ACYP2: variants seen among roughly 807,000 people sequenced by gnomAD.
ACYP2 encodes the protein acylphosphatase 2.
A neutral mutation model predicts 11.2 loss-of-function variants in ACYP2; 12 were observed. That is an observed-to-expected ratio of 1.08 (90% CI 0.69 to 1.74). The LOEUF (loss-of-function observed/expected upper bound fraction) is 1.74. Ranked by LOEUF, ACYP2 falls within the 40% of genes most tolerant of loss-of-function variation. The probability of loss-of-function intolerance (pLI) is 0.00; values close to 1 mark genes in which losing one functional copy is unlikely to be tolerated. For missense variants in ACYP2, 134 were observed against 101.9 expected (o/e 1.31, Z -1.35); for synonymous variants, 43 against 32.2 (o/e 1.33, Z -1.13).
chr2:54,282,615 TC>T (rs1477390511), intron 6 of ACYP2, among the ~76,000 whole-genome samples: 1 of 152,216 alleles, frequency 6.6e-6, no homozygotes, highest in East Asian at 1.9e-4. Flanking sequence ...TATTGCTTGC[TC>T]TTACATGGTT....
intron 2 of ACYP2, among the ~76,000 whole-genome samples, chr2:54,042,129 C>T (rs1315528134): frequency 6.6e-6 from 1 of 152,158 alleles, no homozygotes; most frequent in East Asian, 1.9e-4. Context: ...GCCTCAGCCT[C>T]CCAAGTAGCT....
intron 6 of ACYP2, among the ~76,000 whole-genome samples, chr2:54,160,340 G>A (rs1215253539): frequency 6.6e-6 from 1 of 152,172 alleles, no homozygotes; most frequent in Non-Finnish European, 1.5e-5. Context: ...GAAGCTGGCA[G>A]CACACTTCTA....
At chr2:54,303,055 G>T (rs1444852299) in intron 6 of ACYP2, among the ~76,000 whole-genome samples, 1 of 152,096 alleles carries the variant, frequency 6.6e-6, no homozygotes, top group Non-Finnish European at 1.5e-5. Context: ...GCATAGTGCC[G>T]AACAAATTGT....
At chr2:54,142,613 C>T (rs1197901211) in intron 6 of ACYP2, 1 of 152,186 alleles carries the variant, frequency 6.6e-6, no homozygotes, top group African/African-American at 2.4e-5. Context: ...GTCCCAGCTA[C>T]TTGGGAGGCT....
chr2:54,098,432 T>C (rs1355944670), intron 4 of ACYP2, among the ~76,000 whole-genome samples: 1 of 152,118 alleles, frequency 6.6e-6, no homozygotes, highest in Admixed American at 6.5e-5. Flanking sequence ...TCCCTGCCAT[T>C]GATTCATTAG....
At chr2:54,019,766 T>C (rs1439378644) in intron 2 of ACYP2, among the ~76,000 whole-genome samples, 5 of 151,418 alleles carry the variant, frequency 3.3e-5, no homozygotes, top group African/African-American at 1.2e-4. Flanking sequence ...ATTACAAGCA[T>C]GAGCCACCAT....
intron 2 of ACYP2, among the ~76,000 whole-genome samples, chr2:54,024,315 G>A (rs914173917): frequency 6.6e-6 from 1 of 152,102 alleles, no homozygotes; most frequent in African/African-American, 2.4e-5. Flanking sequence ...GCATTCAGCC[G>A]AGATCCCGTC....
At chr2:54,216,505 G>A (rs1311872286) in intron 6 of ACYP2, among the ~76,000 whole-genome samples, 4 of 150,896 alleles carry the variant, frequency 2.7e-5, no homozygotes, top group African/African-American at 9.8e-5. Flanking sequence ...TATCTCTATT[G>A]ATGAATCTTT....
intron 6 of ACYP2, among the ~76,000 whole-genome samples, chr2:54,250,330 C>T (rs950126597): frequency 6.6e-5 from 10 of 151,928 alleles, no homozygotes; most frequent in South Asian, 2.1e-4. Flanking sequence ...TACTTTAGCT[C>T]GGCGTGGTGG....
chr2:54,126,575 C>T (rs1680519249), intron 4 of ACYP2, among the ~76,000 whole-genome samples: 1 of 125,258 alleles, frequency 8.0e-6, no homozygotes, highest in African/African-American at 3.0e-5. Context: ...GTTGTGGTGA[C>T]ACACTCATAG....
chr2:54,026,842 T>C (rs1184029226), intron 2 of ACYP2, among the ~76,000 whole-genome samples: 1 of 147,316 alleles, frequency 6.8e-6, no homozygotes, highest in Non-Finnish European at 1.5e-5. Flanking sequence ...CACTTAGAAA[T>C]GGGAGCTAAG....
intron 6 of ACYP2, among the ~76,000 whole-genome samples, chr2:54,303,344 C>T (rs1573079348): frequency 6.6e-6 from 1 of 152,104 alleles, no homozygotes; most frequent in African/African-American, 2.4e-5. Flanking sequence ...GAGTGAGACC[C>T]TGTCTGCACC....
intron 6 of ACYP2, among the ~76,000 whole-genome samples, chr2:54,214,995 T>G (rs1408065201): frequency 2.0e-5 from 3 of 152,194 alleles, no homozygotes; most frequent in Non-Finnish European, 2.9e-5. Context: ...ACTAGGTATT[T>G]TATTCTTTTT....
chr2:54,181,512 C>T (rs763297691), intron 6 of ACYP2, among the ~76,000 whole-genome samples: 3 of 152,154 alleles, frequency 2.0e-5, no homozygotes, highest in Non-Finnish European at 4.4e-5. Flanking sequence ...CCAGAGAAAA[C>T]TCCTGGCATT....
intron 6 of ACYP2, among the ~76,000 whole-genome samples, chr2:54,176,260 G>T (rs542117232): frequency 1.3e-5 from 2 of 152,330 alleles, no homozygotes; most frequent in Non-Finnish European, 2.9e-5. Flanking sequence ...CATTGTCTCG[G>T]TTATGCCCTT....
chr2:54,079,317 C>A (rs10496028), intron 4 of ACYP2, among the ~76,000 whole-genome samples: 37,834 of 152,138 alleles, frequency 0.25, 5,307 homozygotes, highest in South Asian at 0.47. Context: ...CTAGTAATTC[C>A]ATCCACCTTG....
At chr2:54,105,235 G>A (rs1325904217) in intron 4 of ACYP2, among the ~76,000 whole-genome samples, 1 of 152,116 alleles carries the variant, frequency 6.6e-6, no homozygotes, top group Non-Finnish European at 1.5e-5. Context: ...TGCCTTGACT[G>A]AAAGCTGTAT....
chr2:54,035,194 C>T (rs1174999612), intron 2 of ACYP2, among the ~76,000 whole-genome samples: 4 of 151,354 alleles, frequency 2.6e-5, no homozygotes, highest in Non-Finnish European at 4.4e-5. Flanking sequence ...ATTTCATGAG[C>T]AAAGGTATTC....
At chr2:54,194,961 A>G (rs922924234) in intron 6 of ACYP2, among the ~76,000 whole-genome samples, 6 of 152,184 alleles carry the variant, frequency 3.9e-5, no homozygotes, top group South Asian at 2.1e-4. Flanking sequence ...TGAATATTCA[A>G]ATGAAGGTAG....
Sources: gnomAD v4.1 joint callset for allele counts (sites outside exome capture counted in the v4.1 genomes callset) on GRCh38, gnomAD v4.1.1 for gene constraint, MANE v1.5 for transcripts, NCBI Gene and HGNC (gene_info 2026-07-23, HGNC 2026-07-21) for gene names.